ZIC3: variants seen among roughly 807,000 people sequenced by gnomAD.
ZIC3 encodes the protein Zic family zinc finger 3.
In ZIC3, 6 loss-of-function variants were observed where a neutral mutation model predicts 18.3. That is an observed-to-expected ratio of 0.33 (90% CI 0.18 to 0.65). The LOEUF is 0.65. Among genes scored for constraint, ZIC3 ranks in the 30% least tolerant of loss-of-function variants. The probability of loss-of-function intolerance (pLI) is 0.75; values close to 1 mark genes in which losing one functional copy is unlikely to be tolerated. For missense variants in ZIC3, 260 were observed against 410.0 expected, an observed-to-expected ratio of 0.63 and a Z score of 3.16; for synonymous variants, 175 against 177.0, an observed-to-expected ratio of 0.99 and a Z score of 0.09.
intron 1 of ZIC3, 81 bp downstream of exon 1, chrX:137,567,832 G>A: frequency 8.3e-7 from 1 of 1,203,325 alleles, no homozygotes; most frequent in South Asian, 1.8e-5. Context: ...AGGGAGAGAG[G>A]TGGCGGCCAG....
At chrX:137,569,141 G>C in intron 2 of ZIC3, 76 bp downstream of exon 2, 1 of 1,128,156 alleles carries the variant, frequency 8.9e-7, no homozygotes, top group Non-Finnish European at 1.2e-6. Context: ...GGAAGCGCCC[G>C]CGCTGCCAAC....
downstream of ZIC3, among the ~76,000 whole-genome samples, chrX:137,575,282 G>A (rs943798373): frequency 8.9e-6 from 1 of 111,976 alleles, no homozygotes; most frequent in Non-Finnish European, 1.9e-5. Context: ...CCCAGGCTCC[G>A]TTTTCTGTAT....
chrX:137,569,089 C>G (rs771995983), intron 2 of ZIC3, 24 bp downstream of exon 2: 1 of 1,209,495 alleles, frequency 8.3e-7, no homozygotes, highest in East Asian at 3.0e-5. Context: ...TATTAGCGGT[C>G]GGCGGTTTGT....
chrX:137,566,629 TC>T lies in ZIC3; in HGVS notation c.-61del. 1 of 1,172,388 alleles carries T rather than the reference TC, an allele frequency of 8.5e-7. No homozygotes were observed. The highest frequency in any genetic ancestry group is 1.8e-5 in the African/African-American group (1 of 56,868). ...TTCCGACTACGGCACTTCGGAGATC[TC>T]CTCCTTCGCCGGTACCCTCTCTCAC... On this transcript the variant is annotated 5_prime_UTR_variant, in exon 1 of 3. Coordinates refer to ENST00000287538, the MANE Select transcript of ZIC3 (RefSeq NM_003413.4).
chrX:137,567,854 A>G, intron 1 of ZIC3, 103 bp downstream of exon 1: 1 of 1,165,046 alleles, frequency 8.6e-7, no homozygotes, highest in East Asian at 3.0e-5. Context: ...GAAAGGGGCG[A>G]CGCCCCGCAA....
chrX:137,577,496 C>T (rs1931527189), exon 3 of ZIC3: 2 of 264,175 alleles, frequency 7.6e-6, no homozygotes, highest in Admixed American at 1.2e-4. Flanking sequence ...AATTCATAAC[C>T]CAGTATGCAT....
exon 3 of ZIC3, chrX:137,577,291 A>G: frequency 2.0e-6 from 1 of 504,149 alleles, no homozygotes; most frequent in Non-Finnish European, 3.6e-6. Context: ...AAAGAAAACC[A>G]CATCAATTTG....
chrX:137,569,903 C>A lies in ZIC3; in HGVS notation c.1237C>A (p.Gln413Lys). ...LRKHMKVHES[Q>K]GSDSSPAASS... is the part of the protein sequence containing the mutation. ...ATGTTAATTTTAGGTTCATGAATCT[C>A]AAGGGTCAGATTCCTCCCCTGCTGC... is the stretch of plus-strand genomic sequence containing the variant. The change falls in exon 3 of 3, where the codon CAA becomes AAA. Residue 413 changes from glutamine to lysine, a missense_variant. Around this residue, in one of 4 missense-constraint regions of ZIC3, gnomAD observed 52 missense variants for 111.5 expected, o/e 0.47. Transcript: ENST00000287538. 8.3e-7 allele frequency: 1 copy of A among 1,210,479 alleles called. No individual in the cohort carries two copies. Among genetic ancestry groups the A allele is most frequent in the Non-Finnish European group, 1.1e-6 (1 of 894,695 alleles).
intron 1 of ZIC3, among the ~76,000 whole-genome samples, chrX:137,568,330 G>GGATT (rs1369139633): frequency 1.0e-5 from 1 of 100,235 alleles, no homozygotes; most frequent in African/African-American, 3.7e-5. Context: ...GGAGCCCCCT[G>GGATT]GATCGATCGA....
chrX:137,568,048 C>A lies in ZIC3; in HGVS notation c.1060+297C>A, dbSNP rs1236671285. On this transcript the variant is annotated intron_variant, in intron 1 of 2. Coordinates refer to ENST00000287538, the MANE Select transcript of ZIC3 (RefSeq NM_003413.4). Reference sequence around the variant, plus strand: ...CTTTTTGTCTCCCTTTCTGGGTTACCGTGAAGGGACTCCGAATGTGTTGAG... The same window carrying A: ...CTTTTTGTCTCCCTTTCTGGGTTACAGTGAAGGGACTCCGAATGTGTTGAG... Among the ~76,000 whole-genome samples, 4 of 113,041 alleles carry A rather than the reference C, an allele frequency of 3.5e-5. No homozygotes were observed. The Admixed American group carries it at 3.7e-4, about 10-fold the overall frequency.
chrX:137,576,054 ATT>A (rs397956388), downstream of ZIC3, among the ~76,000 whole-genome samples: 2 of 93,531 alleles, frequency 2.1e-5, no homozygotes, highest in African/African-American at 4.0e-5. Context: ...CACCAAGCCG[ATT>A]TTTTTTTTTT....
At position 137,566,847 on chromosome X, in the gene ZIC3, C is replaced by A. The variant is rs769295569; in HGVS notation, c.156C>A (p.Ala52=). The change falls in exon 1 of 3, where the codon GCC becomes GCA. Residue 52 remains alanine (A), a synonymous_variant. Coordinates refer to ENST00000287538, the MANE Select transcript of ZIC3 (RefSeq NM_003413.4). ...DSTHAAAAAA[A]AAAFKLSPAA... ...CCCACGCCGCCGCCGCCGCCGCCGCCGCCGCTGCCTTCAAGCTGAGCCCTG... is the reference window on the plus strand; with the variant it reads ...CCCACGCCGCCGCCGCCGCCGCCGCAGCCGCTGCCTTCAAGCTGAGCCCTG... 5.2e-6 allele frequency: 6 copies of A among 1,162,094 alleles called. No homozygotes were observed. In the East Asian group the frequency reaches 2.0e-4, roughly 38 times the overall value.
chrX:137,576,783 A>G (rs1931519125), downstream of ZIC3, among the ~76,000 whole-genome samples: 1 of 112,475 alleles, frequency 8.9e-6, no homozygotes, highest in Non-Finnish European at 1.9e-5. Flanking sequence ...GCAGTTTTGT[A>G]TATTTTTAAT....
downstream of ZIC3, among the ~76,000 whole-genome samples, chrX:137,572,614 TC>T (rs1931454638): frequency 8.9e-6 from 1 of 112,185 alleles, no homozygotes; most frequent in African/African-American, 3.2e-5. Context: ...AGTGTATTTT[TC>T]TTCTGAACTG....
downstream of ZIC3, among the ~76,000 whole-genome samples, chrX:137,573,477 A>G (rs868007488): frequency 1.1e-4 from 12 of 111,604 alleles, no homozygotes; most frequent in Non-Finnish European, 1.9e-4. Flanking sequence ...GCATCCCAGG[A>G]AAGTTGGAGT....
Position 137,577,163 on chromosome X carries a change from C to G in ZIC3, c.1266C>G (p.Asp422Glu), listed in dbSNP as rs776232297. Residue 422 changes from aspartate to glutamate, a missense_variant, in exon 3 of 3, where the codon GAC (aspartate) becomes GAG (glutamate). By Grantham distance (45) the Asp-to-Glu change is conservative. Transcript: ENST00000370606. Reference sequence around the variant, plus strand: ...ATCCGGGACAGTCTCTAATTCCTGACGAAGAACTTGATACTGACGTTGGTA... The same window carrying G: ...ATCCGGGACAGTCTCTAATTCCTGAGGAAGAACTTGATACTGACGTTGGTA... The G allele has an allele frequency of 1.9e-5, 10 of 522,119 alleles. No individual in the cohort carries two copies. In the Admixed American group the frequency reaches 2.4e-4, roughly 13 times the overall value. The allele number at this position is 522,119 out of a possible 1,213,427, so 43.0% of individuals were successfully genotyped here. A position where few individuals can be genotyped will look rare whatever the true frequency, so the allele number is the denominator to read the frequency against.
rs759563150 is a variant in ZIC3 at position 137,570,818 on chromosome X, AAAG to A, written c.*754_*756del. On this transcript the variant is annotated 3_prime_UTR_variant, in exon 3 of 3. Transcript: ENST00000287538. ...TGCTTTAGCATTAAAAATTGTTTTG[AAAG>A]AAGAACACAATTTACAATTTTGGAA... 10 of 112,990 alleles carry A rather than the reference AAAG, an allele frequency of 8.9e-5. No individual in the cohort carries two copies. Among genetic ancestry groups the A allele is most frequent in the Non-Finnish European group, 1.9e-4 (10 of 53,379 alleles). 9.3% of individuals were successfully genotyped at this position (112,990 alleles called of 1,213,427 possible).
intron 1 of ZIC3, 65 bp downstream of exon 1, chrX:137,567,816 A>G (rs1334169896): frequency 9.9e-6 from 12 of 1,208,419 alleles, no homozygotes; most frequent in Non-Finnish European, 1.2e-5. Flanking sequence ...GCGGACTTAG[A>G]GCGCGAGGGA....
chrX:137,568,386 AT>A (rs753919281), intron 1 of ZIC3, among the ~76,000 whole-genome samples: 33 of 97,062 alleles, frequency 3.4e-4, no homozygotes, highest in African/African-American at 1.2e-3. Flanking sequence ...ATCTATCTAT[AT>A]TTTTTTCCTC....
Sources: allele counts gnomAD v4.1 joint callset (sites outside exome capture counted in the v4.1 genomes callset), GRCh38; gene constraint gnomAD v4.1.1; regional missense constraint gnomAD v4.1.1; transcripts MANE v1.5; gene names NCBI Gene and HGNC (gene_info 2026-07-23, HGNC 2026-07-21).